Variants in FTO observed in about 807,000 individuals in gnomAD.
The protein encoded by FTO is alpha-ketoglutarate-dependent dioxygenase FTO.
Under a neutral mutation model 63.9 loss-of-function variants are expected in FTO, and 47 were observed. The observed-to-expected ratio is 0.74, with a 90% CI of 0.58 to 0.94. FTO has a LOEUF of 0.94. FTO is among the 40% of genes least tolerant of loss of function. The pLI, the probability that FTO is intolerant of heterozygous loss-of-function variation, is 0.00. For synonymous variants in FTO, 207 were observed against 224.4 expected (o/e 0.92, Z 0.69); for missense variants, 562 against 618.1 (o/e 0.91, Z 0.96).
At chr16:53,961,561 G>T (rs919076590) in intron 8 of FTO, among the ~76,000 whole-genome samples, 1 of 152,148 alleles carries the variant, frequency 6.6e-6, no homozygotes, top group African/African-American at 2.4e-5. Context: ...TTCTTCCAAG[G>T]TAGATCCCAA....
At chr16:53,898,751 C>T (rs994806194) in intron 7 of FTO, among the ~76,000 whole-genome samples, 6 of 152,158 alleles carry the variant, frequency 3.9e-5, no homozygotes, top group African/African-American at 1.4e-4. Flanking sequence ...GTGATCATAG[C>T]TCACTGTAGC....
chr16:53,879,817 T>C, intron 5 of FTO, 27 bp from the exon 6 acceptor site: 2 of 1,613,108 alleles, frequency 1.2e-6, no homozygotes, highest in East Asian at 2.2e-5. Flanking sequence ...TTGCCCATAA[T>C]TGTGATTGCT....
chr16:54,086,492 A>G (rs537081447), intron 8 of FTO, among the ~76,000 whole-genome samples: 9 of 152,328 alleles, frequency 5.9e-5, no homozygotes, highest in South Asian at 4.1e-4. Flanking sequence ...TTCTGTTGCC[A>G]TAATCCTAAT....
intron 6 of FTO, among the ~76,000 whole-genome samples, chr16:53,883,421 G>A (rs1178596876): frequency 1.3e-5 from 2 of 152,094 alleles, no homozygotes; most frequent in East Asian, 3.9e-4. Context: ...AGGAGTTCGA[G>A]ACCAGCCTGG....
At chr16:53,921,528 C>A (rs992980650) in intron 7 of FTO, among the ~76,000 whole-genome samples, 4 of 152,058 alleles carry the variant, frequency 2.6e-5, no homozygotes, top group African/African-American at 9.7e-5. Context: ...TTAGAAGTAG[C>A]GTCTGGGAAT....
chr16:53,719,794 T>C (rs1474484359), intron 1 of FTO, among the ~76,000 whole-genome samples: 1 of 152,118 alleles, frequency 6.6e-6, no homozygotes, highest in East Asian at 1.9e-4. Flanking sequence ...TCTTTTTTGT[T>C]TAATATGGAA....
At chr16:53,932,392 G>T (rs1413489911) in intron 7 of FTO, among the ~76,000 whole-genome samples, 16 of 141,014 alleles carry the variant, frequency 1.1e-4, no homozygotes, top group African/African-American at 2.3e-4. Flanking sequence ...TTCTGATGTG[G>T]TTTTTTTTTT....
Position 54,113,102 on chromosome 16 carries a change from G to C in FTO, c.*1187G>C, listed in dbSNP as rs1350434985. ...AGTTACAGACTTAGAACAATTTCCAGCACATAGTTAAATATCCAGGAAATT... is the reference window on the plus strand; with the variant it reads ...AGTTACAGACTTAGAACAATTTCCACCACATAGTTAAATATCCAGGAAATT... On this transcript the variant is annotated 3_prime_UTR_variant, in exon 9 of 9. Coordinates refer to ENST00000471389, the MANE Select transcript of FTO (RefSeq NM_001080432.3). The C allele has an allele frequency of 6.6e-6, 1 of 152,238 alleles. No homozygotes were observed. Among genetic ancestry groups the C allele is most frequent in the African/African-American group, 2.4e-5 (1 of 41,472 alleles). The allele number at this position is 152,238 out of a possible 1,614,324, so 9.4% of individuals were successfully genotyped here.
chr16:54,070,665 C>T (rs2085847860), intron 8 of FTO: 1 of 152,210 alleles, frequency 6.6e-6, no homozygotes, highest in East Asian at 1.9e-4. Context: ...CAGCCATCTT[C>T]AAGACTGAAA....
chr16:53,777,346 A>G (rs1470711954), intron 1 of FTO, among the ~76,000 whole-genome samples: 1 of 152,186 alleles, frequency 6.6e-6, no homozygotes, highest in Non-Finnish European at 1.5e-5. Context: ...TCTAGATTCA[A>G]GATTCATCCA....
At chr16:53,850,349 T>TC (rs2079754611) in intron 4 of FTO, among the ~76,000 whole-genome samples, 1 of 152,112 alleles carries the variant, frequency 6.6e-6, no homozygotes, top group Admixed American at 6.6e-5. Flanking sequence ...TTTTTTTTTT[T>TC]CCAGGGATGA....
upstream of FTO, chr16:53,704,067 T>C: frequency 9.1e-7 from 1 of 1,102,200 alleles, no homozygotes; most frequent in African/African-American, 1.5e-5. Context: ...TTTTTTCTAC[T>C]CAGAGGGAGA....
At chr16:54,056,985 G>T (rs2085451222) in intron 8 of FTO, among the ~76,000 whole-genome samples, 1 of 152,134 alleles carries the variant, frequency 6.6e-6, no homozygotes, top group African/African-American at 2.4e-5. Context: ...AGATGCTAGG[G>T]ATACCAAGAC....
rs79542746 is a variant in FTO, at chr16:53,803,781, C to T, written c.46-6359C>T. ...ATGTTCTAAAATTATGCAATTTTGT[C>T]ATATTAAAAAGTAGGTGATCACCAC... On this transcript the variant is annotated intron_variant, in intron 1 of 8. Coordinates refer to ENST00000471389, the MANE Select transcript of FTO (RefSeq NM_001080432.3). Among the ~76,000 whole-genome samples, 318 of 152,100 alleles carry T rather than the reference C, an allele frequency of 2.1e-3. 2 individuals carry two copies. The highest frequency in any genetic ancestry group is 3.7e-3 in the Admixed American group (57 of 15,266).
At chr16:54,032,550 A>G (rs1269755733) in intron 8 of FTO, among the ~76,000 whole-genome samples, 1 of 152,222 alleles carries the variant, frequency 6.6e-6, no homozygotes, top group Non-Finnish European at 1.5e-5. Context: ...TATCCAAAGT[A>G]CACATCCAGT....
intron 1 of FTO, among the ~76,000 whole-genome samples, chr16:53,741,877 C>T (rs2076534488): frequency 6.6e-6 from 1 of 152,130 alleles, no homozygotes; most frequent in African/African-American, 2.4e-5. Flanking sequence ...TATTTCAAGA[C>T]TTGACTGGGG....
chr16:53,859,879 G>C (rs899500914), intron 4 of FTO, among the ~76,000 whole-genome samples: 5 of 152,142 alleles, frequency 3.3e-5, no homozygotes, highest in African/African-American at 1.2e-4. Context: ...ACTGCATGGA[G>C]GTTTCTCAAA....
intron 4 of FTO, among the ~76,000 whole-genome samples, chr16:53,852,821 T>C (rs578208800): frequency 4.6e-5 from 7 of 152,308 alleles, no homozygotes; most frequent in Admixed American, 2.0e-4. Flanking sequence ...CTTATATTCG[T>C]CTTTTTTTTT....
intron 8 of FTO, among the ~76,000 whole-genome samples, chr16:54,091,508 C>T (rs1271303217): frequency 6.6e-6 from 1 of 152,204 alleles, no homozygotes; most frequent in African/African-American, 2.4e-5. Flanking sequence ...CCACTGTGCA[C>T]TCCAGCCTGG....
Sources: allele counts gnomAD v4.1 joint callset (sites outside exome capture counted in the v4.1 genomes callset), GRCh38; gene constraint gnomAD v4.1.1; transcripts MANE v1.5; gene names NCBI Gene and HGNC (gene_info 2026-07-23, HGNC 2026-07-21).